Variants in SPATA7 observed in about 807,000 individuals in gnomAD.
SPATA7 encodes spermatogenesis-associated protein 7.
A neutral mutation model predicts 51.8 loss-of-function variants in SPATA7; 43 were observed. That is an observed-to-expected ratio of 0.83 (90% CI 0.65 to 1.07). The LOEUF is 1.07. SPATA7 is among the 50% of genes least tolerant of loss of function. The probability of loss-of-function intolerance (pLI) is 0.00; values close to 1 mark genes in which losing one functional copy is unlikely to be tolerated. For synonymous variants in SPATA7, 230 were observed against 252.8 expected (o/e 0.91, Z 0.86); for missense variants, 683 against 701.3 (o/e 0.97, Z 0.30).
At chr14:88,393,103 C>CAAA (rs60631129) in intron 2 of SPATA7, among the ~76,000 whole-genome samples, 6 of 147,252 alleles carry the variant, frequency 4.1e-5, no homozygotes, top group Admixed American at 1.4e-4. Context: ...TGAGAGCTGT[C>CAAA]AAAAAAAAAA....
intron 7 of SPATA7, 67 bp from the exon 8 acceptor site, chr14:88,429,281 G>A: frequency 1.2e-6 from 1 of 838,658 alleles, no homozygotes; most frequent in Non-Finnish European, 2.1e-6. Context: ...AAAATTTGCT[G>A]TGTTATATTC....
chr14:88,429,044 C>T (rs1326717960), intron 7 of SPATA7: 4 of 217,238 alleles, frequency 1.8e-5, no homozygotes, highest in Non-Finnish European at 3.7e-5. Context: ...GATTTTGTTC[C>T]CTCAAACTTA....
chr14:88,417,629 T>C (rs994323352), intron 5 of SPATA7, among the ~76,000 whole-genome samples: 1 of 152,182 alleles, frequency 6.6e-6, no homozygotes, highest in African/African-American at 2.4e-5. Context: ...GTTAATGTAA[T>C]GAATTACAAA....
intron 10 of SPATA7, among the ~76,000 whole-genome samples, chr14:88,434,589 G>T (rs2077028153): frequency 6.6e-6 from 1 of 151,748 alleles, no homozygotes. Flanking sequence ...GGAGGGTGAG[G>T]CAGGAGAATC....
At chr14:88,408,747 T>C (rs527998849) in intron 4 of SPATA7, among the ~76,000 whole-genome samples, 1 of 152,330 alleles carries the variant, frequency 6.6e-6, no homozygotes, top group African/African-American at 2.4e-5. Context: ...TGTGGGTTTG[T>C]CATAAATAGC....
intron 4 of SPATA7, chr14:88,416,487 AG>A: frequency 3.0e-6 from 1 of 335,486 alleles, no homozygotes; most frequent in Non-Finnish European, 5.4e-6. Flanking sequence ...TAATCCATTT[AG>A]AATTTCTATA....
intron 3 of SPATA7, among the ~76,000 whole-genome samples, chr14:88,444,426 T>C (rs1214376531): frequency 0.015 from 2,179 of 148,984 alleles, 55 homozygotes; most frequent in African/African-American, 0.053. Context: ...TTCTCCCATT[T>C]TTTAGGTTGC....
downstream of SPATA7, among the ~76,000 whole-genome samples, chr14:88,455,669 C>CT (rs200175072): frequency 3.9e-4 from 58 of 147,070 alleles, no homozygotes; most frequent in Middle Eastern, 3.5e-3. Context: ...CATAAAATTG[C>CT]TTTTTTTTTT....
In SPATA7 at chr14:88,444,170, G is replaced by A. The variant is rs562109685; in HGVS notation, c.177+6267G>A. On this transcript the variant is annotated intron_variant, in intron 3 of 3. Transcript: ENST00000554802. ...GTTGTTTCCTGACTTTTTAATGATC[G>A]CCATTCTAACTGGTGTGAGATGGTA... 1.5e-4 allele frequency among the ~76,000 whole-genome samples: 23 copies of A among 151,114 alleles called. No homozygotes were observed. The East Asian group carries it at 2.7e-3, about 18-fold the overall frequency.
chr14:88,433,018 T>C (rs2076981737), intron 9 of SPATA7, 117 bp from the exon 10 acceptor site: 9 of 741,118 alleles, frequency 1.2e-5, no homozygotes, highest in South Asian at 1.1e-4. Context: ...TAATATGAGA[T>C]AGAAGTACAT....
chr14:88,401,836 C>CAAAA (rs57942112), intron 4 of SPATA7, among the ~76,000 whole-genome samples: 1 of 33,218 alleles, frequency 3.0e-5, no homozygotes, highest in Non-Finnish European at 5.8e-5. Flanking sequence ...GACCCTGTCT[C>CAAAA]AAAAAAAAAA....
intron 5 of SPATA7, among the ~76,000 whole-genome samples, chr14:88,420,538 CAGTA>C (rs775906463): frequency 1.3e-5 from 2 of 152,078 alleles, no homozygotes; most frequent in Non-Finnish European, 2.9e-5. Context: ...TCAGCTGAAA[CAGTA>C]AGTTTGTTTT....
intron 3 of SPATA7, among the ~76,000 whole-genome samples, chr14:88,444,739 G>A (rs942914494): frequency 2.6e-5 from 4 of 152,098 alleles, no homozygotes; most frequent in Non-Finnish European, 5.9e-5. Flanking sequence ...TATTAAATAG[G>A]GAATCCTTTC....
intron 3 of SPATA7, among the ~76,000 whole-genome samples, chr14:88,452,986 A>C (rs2077262284): frequency 6.6e-6 from 1 of 152,164 alleles, no homozygotes. Flanking sequence ...GTCTTCATTT[A>C]AATCCCAGAC....
intron 4 of SPATA7, chr14:88,465,724 T>A (rs939707932): frequency 8.5e-5 from 13 of 152,220 alleles, no homozygotes; most frequent in African/African-American, 3.1e-4. Context: ...AGTAAACCTA[T>A]GAACCCTTAA....
At chr14:88,403,064 A>G (rs1294480133) in intron 4 of SPATA7, among the ~76,000 whole-genome samples, 1 of 151,538 alleles carries the variant, frequency 6.6e-6, no homozygotes, top group Non-Finnish European at 1.5e-5. Flanking sequence ...CAATAAGTGT[A>G]TGAAAAGGTG....
exon 4 of SPATA7, chr14:88,455,172 C>G: frequency 4.5e-6 from 2 of 440,918 alleles, no homozygotes; most frequent in Non-Finnish European, 9.1e-6. Context: ...AAGAGCTCTG[C>G]AAGCCCACTG....
rs765697401 is a variant in SPATA7 at position 88,426,587 on chromosome 14, G to A, written c.728G>A (p.Arg243His). Residue 243 changes from arginine (R) to histidine (H), a missense_variant, in exon 6 of 12, where the codon CGC becomes CAC. Physicochemically the swap from Arg to His is conservative, Grantham distance 29. Transcript: ENST00000393545. ...AACAAACAATTGCCATTCACTCCTC[G>A]CACTTTAAAAACAGAAGCAAAATCT... ...FSNKQLPFTPRTLKTEAKSFL... is the reference protein window; with the variant it reads ...FSNKQLPFTPHTLKTEAKSFL... The A allele has an allele frequency of 1.4e-5, 22 of 1,613,884 alleles. No homozygotes were observed. The highest frequency in any genetic ancestry group is 1.1e-4 in the African/African-American group (8 of 74,858).
chr14:88,410,544 G>T (rs2076313113), intron 4 of SPATA7: 1 of 151,960 alleles, frequency 6.6e-6, no homozygotes, highest in Admixed American at 6.6e-5. Context: ...TCTACTTTTG[G>T]TCTTTGCTGT....
Sources: gnomAD v4.1 joint callset for allele counts (sites outside exome capture counted in the v4.1 genomes callset) on GRCh38, gnomAD v4.1.1 for gene constraint, MANE v1.5 for transcripts, NCBI Gene and HGNC (gene_info 2026-07-23, HGNC 2026-07-21) for gene names.